The following GPATCH8 variants were observed in gnomAD, a reference collection of about 807,000 sequenced individuals.
GPATCH8 encodes G-patch domain containing 8, also known as G patch domain-containing protein 8.
A neutral mutation model predicts 118.3 loss-of-function variants in GPATCH8; 18 were observed. The ratio of observed to expected loss-of-function variants is 0.15; its 90% CI spans 0.11 to 0.23. The LOEUF (loss-of-function observed/expected upper bound fraction) is 0.23. Among genes scored for constraint, GPATCH8 ranks in the 10% least tolerant of loss-of-function variants. GPATCH8 has a pLI of 1.00. For synonymous variants in GPATCH8, 659 were observed against 684.7 expected (o/e 0.96, Z 0.59); for missense variants, 1,631 against 1,873.8 (o/e 0.87, Z 2.39).
rs1339156251 is a variant in GPATCH8 at position 44,399,241 on chromosome 17, A to G, written c.2836T>C (p.Ser946Pro). The change falls in exon 8 of 8, where the codon TCT becomes CCT. Residue 946 changes from serine (S) to proline (P), a missense_variant. Physicochemically the swap from Ser to Pro is moderately conservative, Grantham distance 74. Transcript: ENST00000591680. Reference protein sequence around the residue: ...SLSCSQSRSRSRSHTRERSRS... With the variant: ...SLSCSQSRSRPRSHTRERSRS... Reference sequence around the variant, plus strand: ...GAGCGCTCTCTGGTATGACTCCGAGATCGGCTTCGGGACTGGCTGCAACTG... The same window carrying G: ...GAGCGCTCTCTGGTATGACTCCGAGGTCGGCTTCGGGACTGGCTGCAACTG... 3.7e-6 allele frequency: 6 copies of G among 1,614,042 alleles called. No individual in the cohort carries two copies. Among genetic ancestry groups the G allele is most frequent in the African/African-American group, 1.3e-5 (1 of 75,000 alleles).
intron 1 of GPATCH8, among the ~76,000 whole-genome samples, chr17:44,498,421 T>C (rs1252181177): frequency 6.6e-6 from 1 of 152,180 alleles, no homozygotes; most frequent in Admixed American, 6.5e-5. Flanking sequence ...CTTAAGTCTC[T>C]CTCTGTGATG....
chr17:44,458,024 G>A (rs1328497205), intron 3 of GPATCH8, among the ~76,000 whole-genome samples: 1 of 151,672 alleles, frequency 6.6e-6, no homozygotes, highest in Admixed American at 6.6e-5. Context: ...GGTGGAGCTT[G>A]CAGTGAGCCG....
rs553378160 is a variant in GPATCH8, at chr17:44,495,195, G to A, written c.45+8131C>T. Among the ~76,000 whole-genome samples the A allele has an allele frequency of 6.6e-5, 10 of 152,156 alleles. No individual in the cohort carries two copies. In the South Asian group the frequency reaches 1.2e-3, roughly 19 times the overall value. On this transcript the variant is annotated intron_variant, in intron 1 of 7. Coordinates refer to ENST00000591680, the MANE Select transcript of GPATCH8 (RefSeq NM_001002909.4). ...CTAAAAATACAAAAATTAGCCAGGC[G>A]TGGTAGTGGGCACCTGTAATCCCAG...
intron 1 of GPATCH8, among the ~76,000 whole-genome samples, chr17:44,489,822 CAAACTT>C (rs1969101011): frequency 6.6e-6 from 1 of 152,146 alleles, no homozygotes; most frequent in African/African-American, 2.4e-5. Flanking sequence ...GTCATTCTGA[CAAACTT>C]AGACTTATCA....
chr17:44,503,198 G>C (rs1162966487), intron 1 of GPATCH8, 128 bp downstream of exon 1: 1 of 821,270 alleles, frequency 1.2e-6, no homozygotes, highest in South Asian at 1.4e-5. Flanking sequence ...AAGCAGAGAC[G>C]GGAGAAGAGC....
rs1478946494 is a variant in GPATCH8, at chr17:44,400,181, T to C, written c.1896A>G (p.Ala632=). 3.1e-6 allele frequency: 5 copies of C among 1,613,964 alleles called. No individual in the cohort carries two copies. The highest frequency in any genetic ancestry group is 3.4e-6 in the Non-Finnish European group (4 of 1,180,020). ...IVRSSGGRMD[A]PASGSACSGL... The stretch of plus-strand genomic sequence containing the variant: ...CGCTACAGGCAGACCCTGAAGCAGG[T>C]GCGTCCATTCTGCCTCCTGAGGAAC... Residue 632 remains alanine (A), a synonymous_variant, in exon 8 of 8, where the codon GCA becomes GCG. Transcript: ENST00000591680.
chr17:44,472,989 C>T (rs1480837055), intron 2 of GPATCH8, among the ~76,000 whole-genome samples: 8 of 151,914 alleles, frequency 5.3e-5, no homozygotes, highest in Non-Finnish European at 7.4e-5. Flanking sequence ...CCACCGCACC[C>T]GGCCAGACCC....
At chr17:44,429,836 C>G (rs2050237637) in intron 5 of GPATCH8, among the ~76,000 whole-genome samples, 1 of 150,876 alleles carries the variant, frequency 6.6e-6, no homozygotes, top group Admixed American at 6.6e-5. Context: ...TGCACCCCAA[C>G]TTGAGTGACA....
intron 1 of GPATCH8, among the ~76,000 whole-genome samples, chr17:44,502,910 A>G (rs1052647929): frequency 6.6e-6 from 1 of 152,246 alleles, no homozygotes; most frequent in African/African-American, 2.4e-5. Flanking sequence ...CCGTGAGAGC[A>G]AAATCCCGGG....
intron 1 of GPATCH8, among the ~76,000 whole-genome samples, chr17:44,485,265 G>A (rs912959116): frequency 4.6e-5 from 7 of 151,996 alleles, no homozygotes; most frequent in African/African-American, 1.7e-4. Flanking sequence ...CACCACACCC[G>A]TCTAATGTTT....
intron 2 of GPATCH8, among the ~76,000 whole-genome samples, chr17:44,468,561 T>C (rs1322389845): frequency 6.6e-6 from 1 of 151,596 alleles, no homozygotes; most frequent in Non-Finnish European, 1.5e-5. Context: ...CCAATTTATT[T>C]CCAAAGTAGT....
chr17:44,423,509 G>C (rs1023762210), intron 6 of GPATCH8, among the ~76,000 whole-genome samples: 1 of 152,122 alleles, frequency 6.6e-6, no homozygotes, highest in African/African-American at 2.4e-5. Flanking sequence ...AACAAGTCCA[G>C]CTTAGGAGAC....
chr17:44,466,906 C>T (rs1312903318), intron 2 of GPATCH8, among the ~76,000 whole-genome samples: 4 of 151,314 alleles, frequency 2.6e-5, no homozygotes, highest in Admixed American at 1.3e-4. Context: ...AAAATTGTTG[C>T]TCCCCCCCCC....
intron 5 of GPATCH8, among the ~76,000 whole-genome samples, chr17:44,424,729 G>A (rs2050029989): frequency 6.6e-6 from 1 of 152,108 alleles, no homozygotes; most frequent in Non-Finnish European, 1.5e-5. Flanking sequence ...ATGCTCAACT[G>A]ATAAGTATAA....
Position 44,474,870 on chromosome 17 carries a change from A to C in GPATCH8, c.79T>G (p.Leu27Val). The change falls in exon 2 of 8, where the codon TTG becomes GTG. Residue 27 changes from leucine (L) to valine (V), a missense_variant. Transcript: ENST00000591680. The part of the protein sequence containing the change: ...NHFDQYEEGH[L>V]EIEQASLDKP... ...TCAAGTGACGCTTGTTCAATTTCCA[A>C]GTGTCCTTCCTCATACTGATCAAAG... is the stretch of plus-strand genomic sequence containing the variant. The C allele has an allele frequency of 6.3e-7, 1 of 1,579,718 alleles. No individual in the cohort carries two copies. The highest frequency in any genetic ancestry group is 1.1e-5 in the South Asian group (1 of 90,288).
chr17:44,500,890 A>G (rs1970008599), intron 1 of GPATCH8, among the ~76,000 whole-genome samples: 1 of 152,250 alleles, frequency 6.6e-6, no homozygotes, highest in Admixed American at 6.5e-5. Context: ...GGAGAATCCT[A>G]TTACATTACA....
chr17:44,443,857 A>G (rs1237168386), intron 3 of GPATCH8, among the ~76,000 whole-genome samples: 2 of 152,066 alleles, frequency 1.3e-5, no homozygotes. Context: ...TTTTGTAGAG[A>G]CGGGATTTCA....
rs923639440 is a variant in GPATCH8 at position 44,395,336 on chromosome 17, A to G, written c.*2232T>C. The G allele has an allele frequency of 3.0e-5, 13 of 431,332 alleles. No homozygotes were observed. Among genetic ancestry groups the G allele is most frequent in the Non-Finnish European group, 6.0e-5 (13 of 218,136 alleles). The allele number at this position is 431,332 out of a possible 1,614,324, so 26.7% of individuals were successfully genotyped here. On this transcript the variant is annotated 3_prime_UTR_variant, in exon 8 of 8. Transcript: ENST00000591680. ...TCCTTTCCCTCATTTTACAGCATAT[A>G]TATCTCTATCATATGTGATAAAGTT...
At position 44,401,394 on chromosome 17, in the gene GPATCH8, C is replaced by A. The variant is rs746986203; in HGVS notation, c.683G>T (p.Gly228Val). Residue 228 changes from glycine to valine, a missense_variant, in exon 8 of 8, where the codon GGA (glycine) becomes GTA (valine). By Grantham distance (109) the Gly-to-Val change is moderately radical (BLOSUM62 -3). This residue lies in a region of GPATCH8 where 405 missense variants were observed against 462.7 expected (regional missense o/e 0.88). Transcript: ENST00000591680. Reference sequence around the variant, plus strand: ...AGCTGATTCATCTTTATCATCTTCTCCACCTTCTTCATCTACAGCCACTGT... The same window carrying A: ...AGCTGATTCATCTTTATCATCTTCTACACCTTCTTCATCTACAGCCACTGT... ...PTTVAVDEEG[G>V]EDDKDESATN... 1.2e-6 allele frequency: 2 copies of A among 1,613,202 alleles called. No homozygotes were observed. Among genetic ancestry groups the A allele is most frequent in the East Asian group, 4.5e-5 (2 of 44,886 alleles).
Sources: allele counts gnomAD v4.1 joint callset (sites outside exome capture counted in the v4.1 genomes callset), GRCh38; gene constraint gnomAD v4.1.1; regional missense constraint gnomAD v4.1.1; transcripts MANE v1.5; gene names NCBI Gene and HGNC (gene_info 2026-07-23, HGNC 2026-07-21).